WDFY3: variants seen among roughly 807,000 people sequenced by gnomAD.
The protein encoded by WDFY3 is WD repeat and FYVE domain-containing protein 3.
A neutral mutation model predicts 409.6 loss-of-function variants in WDFY3; 66 were observed. The observed-to-expected ratio is 0.16, with a 90% confidence interval of 0.13 to 0.20. WDFY3 has a LOEUF of 0.20. WDFY3 is among the 10% of genes least tolerant of loss of function. The probability of loss-of-function intolerance (pLI) is 1.00; values close to 1 mark genes in which losing one functional copy is unlikely to be tolerated. For missense variants in WDFY3, 3,031 were observed against 4,298.1 expected, an observed-to-expected ratio of 0.71 and a Z score of 8.24; for synonymous variants, 1,521 against 1,537.1, an observed-to-expected ratio of 0.99 and a Z score of 0.25.
In WDFY3 at chr4:84,737,211, C is replaced by A. The variant is rs771749033; in HGVS notation, c.6730G>T (p.Ala2244Ser). 1 of 1,614,102 alleles carries A rather than the reference C, an allele frequency of 6.2e-7. No homozygotes were observed. The highest frequency in any genetic ancestry group is 1.7e-5 in the Admixed American group (1 of 60,010). The change falls in exon 41 of 68, where the codon GCC (alanine) becomes TCC (serine). Residue 2244 changes from alanine (A) to serine (S), a missense_variant. Ala to Ser is a moderately conservative substitution (Grantham distance 99). Coordinates refer to ENST00000295888, the MANE Select transcript of WDFY3 (RefSeq NM_014991.6). ...AAATGATTCTGCCAGCACTTCAGGG[C>A]AGCTTCTTCAATGAGTGGCCTTGCT... ...ATARPLIEEA[A>S]LKCWQNHLAH...
intron 4 of WDFY3, among the ~76,000 whole-genome samples, chr4:84,859,723 G>A (rs908851969): frequency 1.3e-5 from 2 of 152,048 alleles, no homozygotes; most frequent in African/African-American, 2.4e-5. Flanking sequence ...TTACAGGCAC[G>A]TGCCACCACG....
intron 17 of WDFY3, 91 bp from the exon 18 acceptor site, chr4:84,798,199 C>A: frequency 1.8e-6 from 2 of 1,110,516 alleles, no homozygotes; most frequent in East Asian, 2.6e-5. Context: ...TAATAAATTC[C>A]AACAGACTAA....
intron 32 of WDFY3, among the ~76,000 whole-genome samples, chr4:84,757,873 C>T (rs1741727149): frequency 1.3e-5 from 2 of 152,146 alleles, no homozygotes; most frequent in Non-Finnish European, 2.9e-5. Context: ...AATCTTTACT[C>T]ACAACATGAT....
chr4:84,940,217 G>A (rs938204653), intron 1 of WDFY3, among the ~76,000 whole-genome samples: 4 of 152,030 alleles, frequency 2.6e-5, no homozygotes, highest in Admixed American at 1.3e-4. Flanking sequence ...CTAATAGAAT[G>A]AGTTCAAGAG....
At chr4:84,714,114 A>G (rs1183132533) in intron 50 of WDFY3, among the ~76,000 whole-genome samples, 1 of 105,466 alleles carries the variant, frequency 9.5e-6, no homozygotes, top group Non-Finnish European at 1.8e-5. Context: ...GACTTTGTCT[A>G]AAAAAAAAAA....
chr4:84,896,042 G>A (rs1243660036), intron 3 of WDFY3, among the ~76,000 whole-genome samples: 3 of 152,068 alleles, frequency 2.0e-5, no homozygotes, highest in South Asian at 2.1e-4. Flanking sequence ...CGGATCACGA[G>A]GTCAAGAGAT....
chr4:84,696,121 T>C lies in WDFY3; in HGVS notation c.8750A>G (p.Tyr2917Cys). 6.2e-7 allele frequency: 1 copy of C among 1,614,168 alleles called. No individual in the cohort carries two copies. Among genetic ancestry groups the C allele is most frequent in the Non-Finnish European group, 8.5e-7 (1 of 1,180,032 alleles). Residue 2917 changes from tyrosine (Y) to cysteine (C), a missense_variant, in exon 58 of 68, where the codon TAT becomes TGT. This residue lies in a region of WDFY3 where 129 missense variants were observed against 305.3 expected (regional missense o/e 0.42). Transcript: ENST00000295888. Reference sequence around the variant, plus strand: ...TACTGCAGCAGGGCCTTGCTGTTTATAACCGAAGATTAAGTCAATCCACTC... The same window carrying C: ...TACTGCAGCAGGGCCTTGCTGTTTACAACCGAAGATTAAGTCAATCCACTC... Reference protein sequence around the residue: ...LHEWIDLIFGYKQQGPAAVEA... With the variant: ...LHEWIDLIFGCKQQGPAAVEA...
rs747359760 is a variant in WDFY3 at position 84,678,183 on chromosome 4, G to A, written c.10244C>T (p.Ala3415Val). 1 of 1,613,784 alleles carries A rather than the reference G, an allele frequency of 6.2e-7. No individual in the cohort carries two copies. The highest frequency in any genetic ancestry group is 2.2e-5 in the East Asian group (1 of 44,866). ...TGACACTTACTTGGAGATGCCCAAG[G>A]CAGTGACCTCAGCTGGGTGTGCATT... ...KDNAHPAEVT[A>V]LGISKDHSRI... Residue 3415 changes from alanine to valine, a missense_variant, in exon 66 of 68, where the codon GCC becomes GTC. Coordinates refer to ENST00000295888, the MANE Select transcript of WDFY3 (RefSeq NM_014991.6).
At chr4:84,917,783 CA>C (rs1768702341) in intron 2 of WDFY3, among the ~76,000 whole-genome samples, 1 of 151,808 alleles carries the variant, frequency 6.6e-6, no homozygotes, top group Non-Finnish European at 1.5e-5. Context: ...ACAAATGAGA[CA>C]ACTGGGAGAA....
At chr4:84,766,396 A>T in intron 30 of WDFY3, 24 bp from the exon 31 acceptor site, 1 of 1,571,226 alleles carries the variant, frequency 6.4e-7, no homozygotes, top group Non-Finnish European at 8.6e-7. Flanking sequence ...AAATACATTA[A>T]ATCTCCCTAG....
intron 27 of WDFY3, among the ~76,000 whole-genome samples, chr4:84,776,040 T>C (rs1447255690): frequency 2.0e-5 from 3 of 152,006 alleles, no homozygotes; most frequent in Admixed American, 1.3e-4. Context: ...AAATACTATA[T>C]ATGTAGTCAA....
chr4:84,859,129 T>A lies in WDFY3; in HGVS notation c.180+1283A>T, dbSNP rs188821598. 5.9e-4 allele frequency among the ~76,000 whole-genome samples: 89 copies of A among 151,788 alleles called. 1 individual carries two copies. In the East Asian group the frequency reaches 0.015, roughly 25 times the overall value. ...GAAGGGAAACCAAGAAACAAAGACA[T>A]GCAGAGAAAGAAATTGAGACAGGAA... On this transcript the variant is annotated intron_variant, in intron 4 of 67. Transcript: ENST00000295888.
At chr4:84,845,637 A>G (rs1289870753) in intron 5 of WDFY3, among the ~76,000 whole-genome samples, 1 of 152,182 alleles carries the variant, frequency 6.6e-6, no homozygotes, top group African/African-American at 2.4e-5. Flanking sequence ...TAAGAGTTGG[A>G]TGATTTAGGA....
chr4:84,886,116 A>T (rs1764187150), intron 3 of WDFY3, among the ~76,000 whole-genome samples: 1 of 152,220 alleles, frequency 6.6e-6, no homozygotes, highest in South Asian at 2.1e-4. Context: ...ATACATGGAC[A>T]GAAAGCAAAC....
Position 84,718,476 on chromosome 4 carries a change from C to G in WDFY3, c.7700G>C (p.Gly2567Ala). ...FGKEHFYVID[G>A]FTMTATREIR... ...TTCCCTGGTTGCTGTCATGGTAAATCCATCAATCACATAAAAATGCTCTTT... is the reference window on the plus strand; with the variant it reads ...TTCCCTGGTTGCTGTCATGGTAAATGCATCAATCACATAAAAATGCTCTTT... The change falls in exon 48 of 68, where the codon GGA becomes GCA. Residue 2567 changes from glycine (G) to alanine (A), a missense_variant. Gly to Ala is a moderately conservative substitution (Grantham distance 60). Transcript: ENST00000295888. 1.2e-6 allele frequency: 2 copies of G among 1,613,912 alleles called. No individual in the cohort carries two copies. The highest frequency in any genetic ancestry group is 2.2e-5 in the South Asian group (2 of 91,076).
At position 84,829,150 on chromosome 4, in the gene WDFY3, T is replaced by C; in HGVS notation, c.810A>G (p.Gln270=). Residue 270 remains glutamine, a synonymous_variant, in exon 9 of 68, where the codon CAA becomes CAG. Coordinates refer to ENST00000295888, the MANE Select transcript of WDFY3 (RefSeq NM_014991.6). The stretch of plus-strand genomic sequence containing the variant: ...TTTCTAGGGGAGACAGGTCATCTGA[T>C]TGCTGCATATTCTGAACACATGTAG... The part of the protein sequence containing the change: ...CLSTCVQNMQ[Q]SDDLSPLEIV... 1.9e-6 allele frequency: 3 copies of C among 1,611,766 alleles called. No individual in the cohort carries two copies. The highest frequency in any genetic ancestry group is 2.5e-6 in the Non-Finnish European group (3 of 1,178,476).
chr4:84,729,786 G>C (rs1736280316), intron 44 of WDFY3, among the ~76,000 whole-genome samples: 1 of 151,782 alleles, frequency 6.6e-6, no homozygotes, highest in Admixed American at 6.6e-5. Context: ...TTAAGGGACA[G>C]GACAAAAAAA....
chr4:84,784,994 A>G (rs1747295394), intron 24 of WDFY3, among the ~76,000 whole-genome samples: 1 of 150,764 alleles, frequency 6.6e-6, no homozygotes, highest in Non-Finnish European at 1.5e-5. Context: ...ATAATCTCTC[A>G]TAGGAATTAT....
chr4:84,720,230 C>A (rs940432493), intron 47 of WDFY3, among the ~76,000 whole-genome samples: 4 of 152,040 alleles, frequency 2.6e-5, no homozygotes, highest in Non-Finnish European at 5.9e-5. Context: ...CATGATAATA[C>A]AGAGTGATAT....
Sources: allele counts gnomAD v4.1 joint callset (sites outside exome capture counted in the v4.1 genomes callset), GRCh38; gene constraint gnomAD v4.1.1; regional missense constraint gnomAD v4.1.1; transcripts MANE v1.5; gene names NCBI Gene and HGNC (gene_info 2026-07-23, HGNC 2026-07-21).